SAMTOR: variants seen among roughly 807,000 people sequenced by gnomAD.
The protein encoded by SAMTOR is UPF0532 protein C7orf60.
chr7:112,903,187 C>T, the SAMTOR span, among the ~76,000 whole-genome samples: 1 of 151,842 alleles, frequency 6.6e-6, no homozygotes, highest in African/African-American at 2.4e-5. Context: ...GTGGCAGGTG[C>T]CTGTAATCCC....
chr7:112,832,016 T>C, the SAMTOR span, among the ~76,000 whole-genome samples: 1 of 150,686 alleles, frequency 6.6e-6, no homozygotes, highest in African/African-American at 2.4e-5. Context: ...AAGTTTCTTT[T>C]TTTTTTTTTT....
the SAMTOR span, among the ~76,000 whole-genome samples, chr7:112,844,545 C>T: frequency 6.6e-6 from 1 of 151,858 alleles, no homozygotes; most frequent in African/African-American, 2.4e-5. Flanking sequence ...ATGGCTAACC[C>T]GGAAGGTGGA....
chr7:112,821,910 T>G, the SAMTOR span: 1 of 1,613,134 alleles, frequency 6.2e-7, no homozygotes, highest in Admixed American at 1.7e-5. Flanking sequence ...GTTAGAATAT[T>G]CCTCATCTTC....
At chr7:112,876,266 T>G in the SAMTOR span, among the ~76,000 whole-genome samples, 1 of 151,678 alleles carries the variant, frequency 6.6e-6, no homozygotes, top group Admixed American at 6.5e-5. Context: ...GGACTGCAGT[T>G]GAGACTTCTG....
At chr7:112,851,471 T>C in the SAMTOR span, among the ~76,000 whole-genome samples, 35 of 152,272 alleles carry the variant, frequency 2.3e-4, 2 homozygotes, top group African/African-American at 7.9e-4. Context: ...TCAATAATGC[T>C]GGGAAAACTG....
At chr7:112,916,367 T>C in the SAMTOR span, among the ~76,000 whole-genome samples, 1 of 152,142 alleles carries the variant, frequency 6.6e-6, no homozygotes, top group African/African-American at 2.4e-5. Context: ...TCACTGTCCT[T>C]GGACATAGGA....
At chr7:112,871,893 A>T in the SAMTOR span, among the ~76,000 whole-genome samples, 13 of 152,350 alleles carry the variant, frequency 8.5e-5, no homozygotes, top group South Asian at 2.1e-4. Flanking sequence ...CAAAATAGAA[A>T]TTCTAGAGGA....
chr7:112,867,372 C>T, the SAMTOR span, among the ~76,000 whole-genome samples: 3 of 152,230 alleles, frequency 2.0e-5, no homozygotes, highest in Admixed American at 2.0e-4. Flanking sequence ...TATATTGTTA[C>T]TAATTCTGTT....
At chr7:112,899,647 G>T in the SAMTOR span, among the ~76,000 whole-genome samples, 3 of 151,950 alleles carry the variant, frequency 2.0e-5, no homozygotes, top group African/African-American at 7.2e-5. Context: ...TATAGGTTAA[G>T]GACAAAGAAA....
the SAMTOR span, among the ~76,000 whole-genome samples, chr7:112,852,168 G>A: frequency 6.6e-6 from 1 of 152,096 alleles, no homozygotes; most frequent in Non-Finnish European, 1.5e-5. Flanking sequence ...GTTGATCACA[G>A]CACTATCTAC....
At chr7:112,826,894 C>G in the SAMTOR span, among the ~76,000 whole-genome samples, 1 of 152,076 alleles carries the variant, frequency 6.6e-6, no homozygotes, top group African/African-American at 2.4e-5. Flanking sequence ...TAGAGGGGTG[C>G]TGAAATCTCT....
the SAMTOR span, among the ~76,000 whole-genome samples, chr7:112,928,801 T>A: frequency 6.6e-6 from 1 of 151,970 alleles, no homozygotes; most frequent in African/African-American, 2.4e-5. Context: ...TGTTTTAAGC[T>A]TATTAAAAAG....
the SAMTOR span, among the ~76,000 whole-genome samples, chr7:112,904,188 T>C: frequency 6.6e-6 from 1 of 152,036 alleles, no homozygotes; most frequent in Non-Finnish European, 1.5e-5. Flanking sequence ...AAAAACATAA[T>C]AAAGTTTACC....
the SAMTOR span, among the ~76,000 whole-genome samples, chr7:112,896,206 C>T: frequency 4.0e-5 from 6 of 151,800 alleles, no homozygotes; most frequent in South Asian, 2.1e-4. Context: ...CGCGCGCACG[C>T]GCGTGTGTGT....
the SAMTOR span, among the ~76,000 whole-genome samples, chr7:112,899,887 T>C: frequency 6.6e-6 from 1 of 150,948 alleles, no homozygotes; most frequent in Non-Finnish European, 1.5e-5. Flanking sequence ...TAAACAAAGA[T>C]GAAGGACTTC....
At chr7:112,832,194 T>C in the SAMTOR span, among the ~76,000 whole-genome samples, 1 of 152,090 alleles carries the variant, frequency 6.6e-6, no homozygotes, top group Non-Finnish European at 1.5e-5. Flanking sequence ...TTTTATTTTT[T>C]AGTAGAGACG....
At chr7:112,917,033 A>T in the SAMTOR span, among the ~76,000 whole-genome samples, 67 of 152,328 alleles carry the variant, frequency 4.4e-4, no homozygotes, top group African/African-American at 1.3e-3. Flanking sequence ...ACAGACAAAC[A>T]AAAAGACAGC....
At chr7:112,872,304 T>C in the SAMTOR span, among the ~76,000 whole-genome samples, 709 of 152,128 alleles carry the variant, frequency 4.7e-3, 3 homozygotes, top group South Asian at 8.3e-3. Context: ...TATTCCTAGG[T>C]TGCAAGATTG....
At chr7:112,898,770 G>A in the SAMTOR span, among the ~76,000 whole-genome samples, 2 of 152,242 alleles carry the variant, frequency 1.3e-5, no homozygotes, top group Non-Finnish European at 2.9e-5. Flanking sequence ...CCTGGGGGAA[G>A]AAGAGGGATT....
Sources: allele counts gnomAD v4.1 joint callset (sites outside exome capture counted in the v4.1 genomes callset), GRCh38; gene constraint gnomAD v4.1.1; transcripts MANE v1.5; gene names NCBI Gene and HGNC (gene_info 2026-07-23, HGNC 2026-07-21).